Variants in NAV3 observed in about 807,000 individuals in gnomAD.
The protein encoded by NAV3 is pore membrane and/or filament interacting like protein 1.
NAV3 carries 87 observed loss-of-function variants against 244.7 expected under a neutral mutation model. That is an observed-to-expected ratio of 0.36 (90% CI 0.30 to 0.42). NAV3 has a LOEUF of 0.42. NAV3 is among the 20% of genes least tolerant of loss of function. The pLI, the probability that NAV3 is intolerant of heterozygous loss-of-function variation, is 1.00. For missense variants in NAV3, 2,663 were observed against 2,893.3 expected, an observed-to-expected ratio of 0.92 and a Z score of 1.83; for synonymous variants, 1,126 against 1,042.2, an observed-to-expected ratio of 1.08 and a Z score of -1.55.
At chr12:77,833,339 G>A (rs570244515) in intron 1 of NAV3, among the ~76,000 whole-genome samples, 1 of 152,264 alleles carries the variant, frequency 6.6e-6, no homozygotes, top group Non-Finnish European at 1.5e-5. Flanking sequence ...ATGAATCAAT[G>A]AATGAATAAA....
intron 12 of NAV3, among the ~76,000 whole-genome samples, chr12:78,092,214 G>A (rs300489): frequency 0.32 from 48,886 of 151,826 alleles, 8,069 homozygotes; most frequent in African/African-American, 0.39. Flanking sequence ...GGGGAAATGC[G>A]TGCGAAGAAA....
intron 2 of NAV3, among the ~76,000 whole-genome samples, chr12:77,721,309 C>T (rs1298111068): frequency 6.6e-6 from 1 of 151,952 alleles, no homozygotes; most frequent in Non-Finnish European, 1.5e-5. Context: ...TTGTTTTTTA[C>T]CAACCTAATT....
At chr12:77,682,804 T>G (rs905421440) in intron 2 of NAV3, among the ~76,000 whole-genome samples, 2 of 152,218 alleles carry the variant, frequency 1.3e-5, no homozygotes, top group South Asian at 2.1e-4. Context: ...GTATGTCTTA[T>G]TTGGAAAACT....
intron 5 of NAV3, 34 bp from the exon 6 acceptor site, chr12:77,994,769 C>A (rs756350226): frequency 6.4e-7 from 1 of 1,551,556 alleles, no homozygotes; most frequent in Admixed American, 1.8e-5. Flanking sequence ...CAAAGAATCT[C>A]TTTAATTCAA....
intron 1 of NAV3, among the ~76,000 whole-genome samples, chr12:77,869,970 A>G (rs1334030659): frequency 6.6e-6 from 1 of 152,210 alleles, no homozygotes; most frequent in African/African-American, 2.4e-5. Flanking sequence ...AGATAAACAC[A>G]TGCTCTTTTG....
intron 1 of NAV3, among the ~76,000 whole-genome samples, chr12:77,872,345 GA>G (rs199900674): frequency 2.7e-5 from 4 of 150,180 alleles, no homozygotes; most frequent in Admixed American, 6.6e-5. Context: ...AGCTAATACG[GA>G]AAAAAAAACA....
chr12:77,607,396 A>G (rs905176842), intron 2 of NAV3, among the ~76,000 whole-genome samples: 4 of 152,144 alleles, frequency 2.6e-5, no homozygotes, highest in Admixed American at 2.6e-4. Flanking sequence ...TGACTGAACA[A>G]CTGGATAAGG....
At chr12:77,709,102 C>T (rs1327487917) in intron 2 of NAV3, among the ~76,000 whole-genome samples, 1 of 152,132 alleles carries the variant, frequency 6.6e-6, no homozygotes, top group Non-Finnish European at 1.5e-5. Flanking sequence ...AACTTATCCA[C>T]CATGATCAAG....
At chr12:78,104,871 T>A (rs1364243830) in intron 12 of NAV3, among the ~76,000 whole-genome samples, 2 of 152,148 alleles carry the variant, frequency 1.3e-5, no homozygotes, top group African/African-American at 4.8e-5. Flanking sequence ...CATCTTTAAC[T>A]TAATGCGCTT....
intron 5 of NAV3, among the ~76,000 whole-genome samples, chr12:77,969,377 CAA>C (rs1392410619): frequency 6.6e-6 from 1 of 151,906 alleles, no homozygotes; most frequent in Non-Finnish European, 1.5e-5. Flanking sequence ...TGATATATAA[CAA>C]GAGATTTATT....
intron 2 of NAV3, among the ~76,000 whole-genome samples, chr12:77,814,824 G>A (rs532873051): frequency 6.6e-6 from 1 of 152,182 alleles, no homozygotes. Context: ...TTAATACACT[G>A]CTGTTAATCA....
At chr12:77,848,090 A>G (rs1299019925) in intron 1 of NAV3, among the ~76,000 whole-genome samples, 2 of 152,188 alleles carry the variant, frequency 1.3e-5, no homozygotes, top group Admixed American at 6.5e-5. Flanking sequence ...ATAAAACCAC[A>G]ACAAGAATAG....
At chr12:78,037,458 G>A (rs748896180) in intron 9 of NAV3, 4 of 612,422 alleles carry the variant, frequency 6.5e-6, no homozygotes, top group Non-Finnish European at 1.2e-5. Context: ...GAAATTATTT[G>A]CATTTGCCAA....
chr12:77,960,971 T>G (rs1192309987), intron 3 of NAV3, among the ~76,000 whole-genome samples: 1 of 146,706 alleles, frequency 6.8e-6, no homozygotes, highest in Non-Finnish European at 1.5e-5. Flanking sequence ...GTAATATATG[T>G]ATATATGTAT....
intron 2 of NAV3, among the ~76,000 whole-genome samples, chr12:77,778,613 GAAA>G (rs746919824): frequency 1.7e-5 from 1 of 58,158 alleles, no homozygotes; most frequent in Non-Finnish European, 3.7e-5. Flanking sequence ...CTCCGTCTCA[GAAA>G]AAAAAAAAAA....
chr12:77,891,720 A>T (rs753652168), intron 1 of NAV3, among the ~76,000 whole-genome samples: 2 of 152,222 alleles, frequency 1.3e-5, no homozygotes, highest in Non-Finnish European at 2.9e-5. Context: ...GGACTTGTAC[A>T]TGACCCCAAA....
At chr12:77,998,703 AC>A (rs1168020070) in intron 7 of NAV3, among the ~76,000 whole-genome samples, 34 of 152,236 alleles carry the variant, frequency 2.2e-4, no homozygotes, top group African/African-American at 8.2e-4. Flanking sequence ...ATATGCAAGT[AC>A]AAATACTGTT....
At chr12:77,899,681 G>A (rs555525667) in intron 1 of NAV3, among the ~76,000 whole-genome samples, 3 of 152,218 alleles carry the variant, frequency 2.0e-5, no homozygotes, top group South Asian at 4.1e-4. Flanking sequence ...GGAATGGAAC[G>A]TGCAATATCT....
chr12:78,189,419 C>T (rs1958872145), intron 33 of NAV3, among the ~76,000 whole-genome samples: 1 of 151,614 alleles, frequency 6.6e-6, no homozygotes, highest in Admixed American at 6.6e-5. Context: ...TACTGTTGCT[C>T]CTTTCTTAAT....
Sources: gnomAD v4.1 joint callset for allele counts (sites outside exome capture counted in the v4.1 genomes callset) on GRCh38, gnomAD v4.1.1 for gene constraint, MANE v1.5 for transcripts, NCBI Gene and HGNC (gene_info 2026-07-23, HGNC 2026-07-21) for gene names.